PSKH2: variants seen among roughly 807,000 people sequenced by gnomAD.
The protein encoded by PSKH2 is serine/threonine-protein kinase H2.
PSKH2 carries 16 observed loss-of-function variants against 22.5 expected under a neutral mutation model. The ratio of observed to expected loss-of-function variants is 0.71; its 90% confidence interval spans 0.48 to 1.08. The LOEUF (loss-of-function observed/expected upper bound fraction) is 1.08. PSKH2 is among the 50% of genes least tolerant of loss of function. The pLI, the probability that PSKH2 is intolerant of heterozygous loss-of-function variation, is 0.00. For synonymous variants in PSKH2, 188 were observed against 184.8 expected (o/e 1.02, Z -0.14); for missense variants, 516 against 492.8 (o/e 1.05, Z -0.44).
rs565084568 is a variant in PSKH2, at chr8:86,064,302, C to T, written c.515G>A (p.Arg172Lys). ...AGTTATCTGCAGCGCATGCAAATAC[C>T]TAATCCCATCAGCAACCATCTGGAG... ...RILQMVADGI[R>K]YLHALQITHR... The change falls in exon 2 of 3, where the codon AGG becomes AAG. Residue 172 changes from arginine to lysine, a missense_variant. Physicochemically the swap from Arg to Lys is conservative, Grantham distance 26. Coordinates refer to ENST00000276616, the MANE Select transcript of PSKH2 (RefSeq NM_033126.3). The T allele has an allele frequency of 5.0e-6, 8 of 1,614,092 alleles. 2 individuals are homozygous for T. The Admixed American group carries it at 1.3e-4, about 27-fold the overall frequency.
chr8:86,054,274 G>C (rs1263217552), intron 2 of PSKH2, among the ~76,000 whole-genome samples: 1 of 151,996 alleles, frequency 6.6e-6, no homozygotes, highest in Non-Finnish European at 1.5e-5. Context: ...TCAATTCCTT[G>C]CACTAGAAAT....
At chr8:86,049,765 AAG>A (rs1457773416) in intron 2 of PSKH2, among the ~76,000 whole-genome samples, 3 of 136,296 alleles carry the variant, frequency 2.2e-5, no homozygotes, top group Non-Finnish European at 3.3e-5. Flanking sequence ...GAAAGAAAGA[AAG>A]AGAAAAGAAA....
chr8:86,069,738 C>A (rs1485323169), upstream of PSKH2: 3 of 1,228,468 alleles, frequency 2.4e-6, no homozygotes, highest in Non-Finnish European at 3.2e-6. Flanking sequence ...AAAGAAACCC[C>A]ACTGGGGGGT....
chr8:86,053,931 GGAGGCT>G (rs1201398858), intron 2 of PSKH2, among the ~76,000 whole-genome samples: 1 of 152,136 alleles, frequency 6.6e-6, no homozygotes, highest in Non-Finnish European at 1.5e-5. Flanking sequence ...CAGCTTCTCT[GGAGGCT>G]GAGGTGGCAG....
chr8:86,052,258 G>A (rs1180220804), intron 2 of PSKH2, among the ~76,000 whole-genome samples: 1 of 152,064 alleles, frequency 6.6e-6, no homozygotes, highest in African/African-American at 2.4e-5. Context: ...AACTTCCTTA[G>A]AATTTCTCCT....
chr8:86,057,285 T>TACACACAC (rs71574253), intron 2 of PSKH2, among the ~76,000 whole-genome samples: 9,046 of 129,782 alleles, frequency 0.07, 591 homozygotes, highest in African/African-American at 0.17. Flanking sequence ...TGCATGCATG[T>TACACACAC]ACACACACAC....
chr8:86,050,725 G>A (rs190088205), intron 2 of PSKH2, among the ~76,000 whole-genome samples: 45 of 152,256 alleles, frequency 3.0e-4, no homozygotes, highest in African/African-American at 1.0e-3. Flanking sequence ...TACGTTTGCT[G>A]TATCTCAAAC....
chr8:86,051,780 A>G (rs62509890), intron 2 of PSKH2, among the ~76,000 whole-genome samples: 12,967 of 152,318 alleles, frequency 0.085, 587 homozygotes, highest in Non-Finnish European at 0.1. Context: ...TGGAGAGCTT[A>G]TTAAGATGAC....
At chr8:86,066,649 A>C (rs1384917260) in intron 1 of PSKH2, among the ~76,000 whole-genome samples, 1 of 152,088 alleles carries the variant, frequency 6.6e-6, no homozygotes, top group Non-Finnish European at 1.5e-5. Flanking sequence ...AAATAGTCTT[A>C]CTTCTTTTAT....
chr8:86,064,344 C>T lies in PSKH2; in HGVS notation c.473G>A (p.Arg158Gln), dbSNP rs141646793. The T allele has an allele frequency of 2.7e-4, 435 of 1,614,118 alleles. 4 individuals are homozygous for T. In the African/African-American group the frequency reaches 4.8e-3, roughly 18 times the overall value. The change falls in exon 2 of 3, where the codon CGG becomes CAG. Residue 158 changes from arginine to glutamine, a missense_variant. Physicochemically the swap from Arg to Gln is conservative, Grantham distance 43 (BLOSUM62 1). Transcript: ENST00000276616. The stretch of plus-strand genomic sequence containing the variant: ...CATCTGGAGGATCCTGACGGCATCC[C>T]GCTCTGTAAAGGATCCCTGAGCAAT... ...RLIAQGSFTE[R>Q]DAVRILQMVA...
intron 2 of PSKH2, among the ~76,000 whole-genome samples, chr8:86,057,916 T>C (rs1303135228): frequency 6.6e-6 from 1 of 152,124 alleles, no homozygotes; most frequent in African/African-American, 2.4e-5. Context: ...AAAGCACTTG[T>C]ATTTGAAGAG....
intron 2 of PSKH2, among the ~76,000 whole-genome samples, chr8:86,060,517 T>C (rs1817762223): frequency 1.3e-5 from 2 of 152,324 alleles, no homozygotes; most frequent in East Asian, 3.9e-4. Context: ...AGTCTACCGA[T>C]ATATGATTCC....
Position 86,054,351 on chromosome 8 carries a change from C to T in PSKH2, c.853-5584G>A, listed in dbSNP as rs1017161620. On this transcript the variant is annotated intron_variant, in intron 2 of 2. Coordinates refer to ENST00000276616, the MANE Select transcript of PSKH2 (RefSeq NM_033126.3). ...ATTAAAAATTTCTACTCATGACAAC[C>T]TTCTGATGAATTTTCCTTCCTTCTT... Among the ~76,000 whole-genome samples the T allele has an allele frequency of 9.2e-5, 14 of 152,216 alleles. No homozygotes were observed. The East Asian group carries it at 2.1e-3, about 23-fold the overall frequency.
chr8:86,066,277 G>A, intron 1 of PSKH2: 2 of 149,394 alleles, frequency 1.3e-5, no homozygotes, highest in African/African-American at 2.5e-5. Flanking sequence ...TTGGCTGACT[G>A]CAACCTCTGC....
intron 2 of PSKH2, among the ~76,000 whole-genome samples, chr8:86,050,967 T>G (rs1331186986): frequency 6.6e-6 from 1 of 152,140 alleles, no homozygotes; most frequent in Non-Finnish European, 1.5e-5. Flanking sequence ...GGACTTGAAC[T>G]CCTCCTGGTC....
intron 1 of PSKH2, among the ~76,000 whole-genome samples, chr8:86,065,657 A>T (rs1436137966): frequency 6.6e-6 from 1 of 152,176 alleles, no homozygotes; most frequent in Non-Finnish European, 1.5e-5. Context: ...AGCTTTAATT[A>T]TCTGTGTAAA....
At chr8:86,067,737 A>G (rs2130174414) in intron 1 of PSKH2, among the ~76,000 whole-genome samples, 1 of 152,338 alleles carries the variant, frequency 6.6e-6, no homozygotes, top group East Asian at 1.9e-4. Context: ...TCCCAACAAG[A>G]AAGTAAATAT....
In PSKH2 at chr8:86,056,953, A is replaced by G. The variant is rs572507178; in HGVS notation, c.852+7012T>C. 5.5e-5 allele frequency among the ~76,000 whole-genome samples: 8 copies of G among 145,002 alleles called. No individual in the cohort carries two copies. The South Asian group carries it at 1.8e-3, about 32-fold the overall frequency. ...TGTTGTTGTTGTTGTTGTTGCTTAG[A>G]GAGAAGGTCTCACTCTGTTACCCAG... is the stretch of plus-strand genomic sequence containing the variant. On this transcript the variant is annotated intron_variant, in intron 2 of 2. Transcript: ENST00000276616.
chr8:86,062,304 T>C (rs981156658), intron 2 of PSKH2, among the ~76,000 whole-genome samples: 3 of 152,236 alleles, frequency 2.0e-5, no homozygotes, highest in African/African-American at 4.8e-5. Context: ...TTTACTTTTG[T>C]AAACATAGCT....
Sources: gnomAD v4.1 joint callset for allele counts (sites outside exome capture counted in the v4.1 genomes callset) on GRCh38, gnomAD v4.1.1 for gene constraint, MANE v1.5 for transcripts, NCBI Gene and HGNC (gene_info 2026-07-23, HGNC 2026-07-21) for gene names.